The following CSMD1 variants were observed in gnomAD, a reference collection of about 807,000 sequenced individuals.
CSMD1 encodes CUB and sushi domain-containing protein 1.
A neutral mutation model predicts 417.5 loss-of-function variants in CSMD1; 213 were observed. That is an observed-to-expected ratio of 0.51 (90% confidence interval 0.46 to 0.57). The LOEUF is 0.57. Among genes scored for constraint, CSMD1 ranks in the 20% least tolerant of loss-of-function variants. The pLI is 0.00. For synonymous variants in CSMD1, 2,862 were observed against 1,736.8 expected (o/e 1.65, Z -16.11); for missense variants, 6,923 against 4,529.7 (o/e 1.53, Z -15.17).
intron 10 of CSMD1, among the ~76,000 whole-genome samples, chr8:3,543,231 G>C (rs552143334): frequency 6.6e-6 from 1 of 152,358 alleles, no homozygotes; most frequent in East Asian, 1.9e-4. Flanking sequence ...GGTGGGAGAA[G>C]CCCAGGATGT....
intron 12 of CSMD1, among the ~76,000 whole-genome samples, chr8:3,426,574 A>G (rs1813855852): frequency 6.6e-6 from 1 of 152,216 alleles, no homozygotes; most frequent in African/African-American, 2.4e-5. Context: ...AGATGAAGAT[A>G]CAAGGCAATA....
intron 41 of CSMD1, among the ~76,000 whole-genome samples, chr8:3,127,136 G>T (rs1299939694): frequency 6.6e-6 from 1 of 152,162 alleles, no homozygotes; most frequent in Non-Finnish European, 1.5e-5. Flanking sequence ...AAACTAAGGG[G>T]AATCTTAGCC....
chr8:3,255,872 T>C (rs1285271661), intron 26 of CSMD1, among the ~76,000 whole-genome samples: 1 of 152,152 alleles, frequency 6.6e-6, no homozygotes, highest in Non-Finnish European at 1.5e-5. Context: ...GCACCCACTG[T>C]CCTGCACCCA....
intron 5 of CSMD1, among the ~76,000 whole-genome samples, chr8:3,929,236 G>C (rs1056212750): frequency 6.7e-6 from 1 of 150,356 alleles, no homozygotes; most frequent in Non-Finnish European, 1.5e-5. Context: ...GGAGGTGTTT[G>C]TCCATATACA....
intron 10 of CSMD1, among the ~76,000 whole-genome samples, chr8:3,573,666 C>G (rs975379407): frequency 8.5e-5 from 13 of 152,120 alleles, no homozygotes; most frequent in African/African-American, 3.1e-4. Flanking sequence ...TCTTTTAGAA[C>G]TGGCAACCCA....
At chr8:3,081,059 G>T (rs1814060371) in intron 49 of CSMD1, among the ~76,000 whole-genome samples, 1 of 152,164 alleles carries the variant, frequency 6.6e-6, no homozygotes, top group Non-Finnish European at 1.5e-5. Context: ...AATTTAAAAT[G>T]TTTACCAAAT....
At chr8:3,045,434 A>G (rs962228496) in intron 50 of CSMD1, among the ~76,000 whole-genome samples, 6 of 152,204 alleles carry the variant, frequency 3.9e-5, no homozygotes, top group Non-Finnish European at 5.9e-5. Flanking sequence ...AAGCCCTGTC[A>G]TATGTTTTAC....
chr8:3,655,086 T>A (rs574689965), intron 7 of CSMD1, among the ~76,000 whole-genome samples: 2 of 152,360 alleles, frequency 1.3e-5, no homozygotes, highest in African/African-American at 4.8e-5. Flanking sequence ...TTAACCAATT[T>A]ATTTTCATTC....
At chr8:4,951,402 T>C (rs1808735410) in intron 1 of CSMD1, among the ~76,000 whole-genome samples, 1 of 150,194 alleles carries the variant, frequency 6.7e-6, no homozygotes, top group Non-Finnish European at 1.5e-5. Context: ...GTGTGACTCC[T>C]TTACTACCTT....
At chr8:3,443,889 G>A (rs529454595) in intron 12 of CSMD1, among the ~76,000 whole-genome samples, 1 of 152,146 alleles carries the variant, frequency 6.6e-6, no homozygotes, top group African/African-American at 2.4e-5. Flanking sequence ...CGTCTGTGTT[G>A]TAAGATACAG....
chr8:4,233,626 A>C (rs1389997018), intron 3 of CSMD1, among the ~76,000 whole-genome samples: 2 of 152,170 alleles, frequency 1.3e-5, no homozygotes, highest in Non-Finnish European at 2.9e-5. Flanking sequence ...TTGATCTTGG[A>C]CTGCCCAGAT....
At chr8:4,266,701 G>C (rs540126049) in intron 3 of CSMD1, among the ~76,000 whole-genome samples, 2 of 104,310 alleles carry the variant, frequency 1.9e-5, no homozygotes, top group African/African-American at 5.2e-5. Context: ...ATTATACTTA[G>C]TTTTATACAT....
At chr8:4,609,300 C>T (rs188812080) in intron 2 of CSMD1, among the ~76,000 whole-genome samples, 153 of 152,200 alleles carry the variant, frequency 1.0e-3, no homozygotes, top group Non-Finnish European at 1.6e-3. Context: ...ACTCAGGAGG[C>T]TGAGGTGGGA....
At chr8:4,460,100 G>C (rs1425920933) in intron 2 of CSMD1, among the ~76,000 whole-genome samples, 7 of 152,032 alleles carry the variant, frequency 4.6e-5, no homozygotes, top group Admixed American at 2.6e-4. Flanking sequence ...CCACAACAGA[G>C]CATATGCCAT....
At chr8:3,501,331 G>C (rs1563098567) in intron 10 of CSMD1, among the ~76,000 whole-genome samples, 1 of 152,052 alleles carries the variant, frequency 6.6e-6, no homozygotes, top group Non-Finnish European at 1.5e-5. Context: ...TTTCTTCCTT[G>C]ATAGCACTAT....
intron 1 of CSMD1, among the ~76,000 whole-genome samples, chr8:4,846,848 A>G (rs1401393405): frequency 6.6e-6 from 1 of 152,228 alleles, no homozygotes; most frequent in Non-Finnish European, 1.5e-5. Flanking sequence ...ATATTTATAT[A>G]TCAACTATAT....
chr8:3,156,412 T>A (rs1206913991), intron 39 of CSMD1, among the ~76,000 whole-genome samples: 3 of 152,214 alleles, frequency 2.0e-5, no homozygotes, highest in Non-Finnish European at 4.4e-5. Context: ...GTGCTGAAGA[T>A]ACAGAGGTGA....
intron 9 of CSMD1, among the ~76,000 whole-genome samples, chr8:3,583,347 G>T (rs1023562589): frequency 2.0e-5 from 3 of 151,904 alleles, no homozygotes; most frequent in African/African-American, 7.3e-5. Flanking sequence ...TGGTTTTGGG[G>T]AGTGTCATAG....
intron 12 of CSMD1, among the ~76,000 whole-genome samples, chr8:3,464,748 C>G (rs1267989102): frequency 6.6e-6 from 1 of 151,906 alleles, no homozygotes; most frequent in African/African-American, 2.4e-5. Context: ...TTATATGGCT[C>G]TATCATAATT....
Sources: allele counts gnomAD v4.1 joint callset (sites outside exome capture counted in the v4.1 genomes callset), GRCh38; gene constraint gnomAD v4.1.1; transcripts MANE v1.5; gene names NCBI Gene and HGNC (gene_info 2026-07-23, HGNC 2026-07-21).